MAG: variants seen among roughly 807,000 people sequenced by gnomAD.
MAG encodes the protein myelin associated glycoprotein.
MAG carries 30 observed loss-of-function variants against 60.7 expected under a neutral mutation model. That is an observed-to-expected ratio of 0.49 (90% confidence interval 0.37 to 0.67). MAG has a LOEUF of 0.67. MAG is among the 30% of genes least tolerant of loss of function. The pLI is 0.00. For missense variants in MAG, 795 were observed against 851.7 expected, an observed-to-expected ratio of 0.93 and a Z score of 0.83; for synonymous variants, 384 against 376.8, an observed-to-expected ratio of 1.02 and a Z score of -0.22.
chr19:35,296,068 C>T (rs1950305354), intron 4 of MAG, 87 bp downstream of exon 4: 2 of 1,491,584 alleles, frequency 1.3e-6, no homozygotes, highest in Non-Finnish European at 1.8e-6. Context: ...CGCACCTTCC[C>T]CAGCAGGCCT....
At chr19:35,302,063 A>G (rs950234553) in intron 6 of MAG, among the ~76,000 whole-genome samples, 2 of 152,116 alleles carry the variant, frequency 1.3e-5, no homozygotes, top group African/African-American at 4.8e-5. Context: ...ATTTAATTAC[A>G]TCGGCTGTTT....
At position 35,300,345 on chromosome 19, in the gene MAG, C is replaced by T. The variant is rs137946184; in HGVS notation, c.911C>T (p.Ala304Val). 3.1e-6 allele frequency: 5 copies of T among 1,598,160 alleles called. No individual in the cohort carries two copies. The highest frequency in any genetic ancestry group is 3.4e-6 in the Non-Finnish European group (4 of 1,178,944). Residue 304 changes from alanine to valine, a missense_variant, in exon 6 of 11, where the codon GCC becomes GTC. By Grantham distance (64) the Ala-to-Val change is moderately conservative. Coordinates refer to ENST00000392213, the MANE Select transcript of MAG (RefSeq NM_002361.4). ...EVTPAEDGVY[A>V]CLAENAYGQD... is the part of the protein sequence containing the mutation. ...ACCCCCGCCGAAGACGGCGTCTATGCCTGCCTGGCCGAGAATGCCTATGGC... is the reference window on the plus strand; with the variant it reads ...ACCCCCGCCGAAGACGGCGTCTATGTCTGCCTGGCCGAGAATGCCTATGGC...
chr19:35,312,740 A>G (rs2066538034), intron 10 of MAG: 1 of 225,784 alleles, frequency 4.4e-6, no homozygotes, highest in Admixed American at 5.1e-5. Flanking sequence ...CAAAACTCCT[A>G]TGTTGAAAGC....
chr19:35,300,099 CG>C (rs747017526), intron 5 of MAG, 47 bp from the exon 6 acceptor site: 1 of 1,489,378 alleles, frequency 6.7e-7, no homozygotes, highest in South Asian at 1.3e-5. Context: ...GGCACTGGGC[CG>C]GTTCCCCAGC....
At position 35,300,254 on chromosome 19, in the gene MAG, A is replaced by T; in HGVS notation, c.820A>T (p.Met274Leu). ...CAACCCCCCGCCGCTGCTGACCTGG[A>T]TGCGGGACGGGACAGTCCTCCGGGA... ...DSNPPPLLTW[M>L]RDGTVLREAV... Residue 274 changes from methionine (M) to leucine (L), a missense_variant, in exon 6 of 11, where the codon ATG (methionine) becomes TTG (leucine). Met to Leu is a conservative substitution (Grantham distance 15). Coordinates refer to ENST00000392213, the MANE Select transcript of MAG (RefSeq NM_002361.4). 1.3e-6 allele frequency: 2 copies of T among 1,596,142 alleles called. No homozygotes were observed. The highest frequency in any genetic ancestry group is 1.7e-6 in the Non-Finnish European group (2 of 1,175,414).
chr19:35,297,387 TAC>T (rs1052239560), intron 4 of MAG, among the ~76,000 whole-genome samples: 2 of 83,956 alleles, frequency 2.4e-5, no homozygotes, highest in Non-Finnish European at 4.8e-5. Flanking sequence ...ACACACACAC[TAC>T]ACACACACCA....
chr19:35,311,071 G>A (rs940039842), intron 9 of MAG, among the ~76,000 whole-genome samples: 1 of 152,122 alleles, frequency 6.6e-6, no homozygotes, highest in African/African-American at 2.4e-5. Context: ...GTTGACTCAC[G>A]CCTGTTATCC....
intron 9 of MAG, among the ~76,000 whole-genome samples, chr19:35,311,334 C>T (rs751490601): frequency 5.9e-5 from 9 of 151,878 alleles, no homozygotes; most frequent in South Asian, 4.2e-4. Context: ...ACTAGTGGCA[C>T]GTGCCTGTTG....
chr19:35,312,438 G>A (rs1030761920), intron 10 of MAG: 29 of 978,170 alleles, frequency 3.0e-5, no homozygotes, highest in African/African-American at 2.4e-4. Flanking sequence ...GGTGATGTCC[G>A]GGCCTGCCCG....
intron 6 of MAG, among the ~76,000 whole-genome samples, 155 bp downstream of exon 6, chr19:35,300,559 A>T (rs2066441863): frequency 1.3e-5 from 2 of 152,120 alleles, no homozygotes; most frequent in Non-Finnish European, 2.9e-5. Flanking sequence ...GTCAAGGTGT[A>T]CCTTCATTCT....
chr19:35,292,449 C>G (rs752480640), intron 1 of MAG, among the ~76,000 whole-genome samples: 19 of 152,022 alleles, frequency 1.2e-4, no homozygotes, highest in Admixed American at 1.1e-3. Context: ...CTCAGCACCC[C>G]TTGTGGGTGA....
At chr19:35,307,592 C>T (rs2066494710) in intron 7 of MAG, among the ~76,000 whole-genome samples, 1 of 152,176 alleles carries the variant, frequency 6.6e-6, no homozygotes, top group Admixed American at 6.5e-5. Context: ...GAGGCTGAGG[C>T]AGGACAATCA....
Position 35,299,787 on chromosome 19 carries a change from T to C in MAG, c.649T>C (p.Cys217Arg), listed in dbSNP as rs1257110549. 1.9e-6 allele frequency: 3 copies of C among 1,543,514 alleles called. No individual in the cohort carries two copies. The highest frequency in any genetic ancestry group is 2.6e-6 in the Non-Finnish European group (3 of 1,148,966). The change falls in exon 5 of 11, where the codon TGC becomes CGC. Residue 217 changes from cysteine to arginine, a missense_variant. Cys to Arg is a radical substitution (Grantham distance 180). Coordinates refer to ENST00000392213, the MANE Select transcript of MAG (RefSeq NM_002361.4). Reference protein sequence around the residue: ...TREANGHRLGCQASFPNTTLQ... With the variant: ...TREANGHRLGRQASFPNTTLQ... ...GGAGGCCAACGGCCACAGGCTGGGC[T>C]GCCAGGCCTCCTTCCCCAACACCAC...
In MAG at chr19:35,294,260, C is replaced by T; in HGVS notation, c.-54C>T. The T allele has an allele frequency of 2.3e-6, 1 of 436,618 alleles. No individual in the cohort carries two copies. The highest frequency in any genetic ancestry group is 4.6e-6 in the Non-Finnish European group (1 of 218,692). The allele number at this position is 436,618 out of a possible 1,614,324, so 27.0% of individuals were successfully genotyped here. ...GTTGTCTGGCGGCTTCAGGTGGACC[C>T]AGAAGACGTCCCCAACTCAGGGAGA... On this transcript the variant is annotated 5_prime_UTR_variant, in exon 2 of 11. Transcript: ENST00000392213.
intron 4 of MAG, among the ~76,000 whole-genome samples, chr19:35,299,195 G>C (rs1450302684): frequency 6.6e-6 from 1 of 152,234 alleles, no homozygotes; most frequent in Non-Finnish European, 1.5e-5. Context: ...TTTGTAGCCA[G>C]TGTTACCTGG....
intron 8 of MAG, 110 bp from the exon 9 acceptor site, chr19:35,310,437 C>A: frequency 3.0e-6 from 3 of 994,734 alleles, no homozygotes; most frequent in East Asian, 2.5e-5. Flanking sequence ...TGCAAGGATG[C>A]CCCGGCTGTG....
intron 10 of MAG, 100 bp from the exon 11 acceptor site, chr19:35,313,190 G>C: frequency 1.5e-6 from 2 of 1,294,716 alleles, no homozygotes; most frequent in Non-Finnish European, 2.1e-6. Context: ...GGATTTATTT[G>C]GGACTGAACT....
intron 7 of MAG, among the ~76,000 whole-genome samples, chr19:35,305,194 T>G (rs1203593457): frequency 6.6e-6 from 1 of 152,176 alleles, no homozygotes; most frequent in Non-Finnish European, 1.5e-5. Context: ...TGTGTCAAAG[T>G]GCTTGCCCTT....
At chr19:35,302,235 G>T (rs2066453637) in intron 6 of MAG, among the ~76,000 whole-genome samples, 1 of 152,146 alleles carries the variant, frequency 6.6e-6, no homozygotes, top group African/African-American at 2.4e-5. Flanking sequence ...ACACACAACT[G>T]GACAGGGGTA....
Sources: gnomAD v4.1 joint callset for allele counts (sites outside exome capture counted in the v4.1 genomes callset) on GRCh38, gnomAD v4.1.1 for gene constraint, MANE v1.5 for transcripts, NCBI Gene and HGNC (gene_info 2026-07-23, HGNC 2026-07-21) for gene names.